Variants in ABRA observed in about 807,000 individuals in gnomAD.
ABRA encodes the protein actin binding Rho activating protein.
Under a neutral mutation model 33.4 loss-of-function variants are expected in ABRA, and 25 were observed. That is an observed-to-expected ratio of 0.75 (90% confidence interval 0.55 to 1.04). The LOEUF is 1.04. Among genes scored for constraint, ABRA ranks in the 50% least tolerant of loss-of-function variants. The pLI is 0.00. For missense variants in ABRA, 501 were observed against 491.7 expected, an observed-to-expected ratio of 1.02 and a Z score of -0.18; for synonymous variants, 193 against 176.8, an observed-to-expected ratio of 1.09 and a Z score of -0.73.
intron 1 of ABRA, among the ~76,000 whole-genome samples, chr8:106,767,002 G>A (rs987407932): frequency 6.6e-6 from 1 of 152,142 alleles, no homozygotes; most frequent in Non-Finnish European, 1.5e-5. Flanking sequence ...CCCAAGATGG[G>A]TCCTGTATCC....
intron 1 of ABRA, among the ~76,000 whole-genome samples, chr8:106,764,982 G>A (rs1319071909): frequency 6.6e-6 from 1 of 151,962 alleles, no homozygotes; most frequent in Non-Finnish European, 1.5e-5. Flanking sequence ...TTGGTCGTAA[G>A]TACTATAAAT....
intron 1 of ABRA, among the ~76,000 whole-genome samples, chr8:106,764,963 AT>A (rs35330136): frequency 6.7e-5 from 10 of 150,252 alleles, no homozygotes; most frequent in East Asian, 1.9e-4. Flanking sequence ...TATACACTGA[AT>A]TTTTTTTTTG....
chr8:106,764,630 C>T (rs940845469), intron 1 of ABRA, among the ~76,000 whole-genome samples: 7 of 152,090 alleles, frequency 4.6e-5, no homozygotes, highest in Non-Finnish European at 8.8e-5. Context: ...GCACTCCAGG[C>T]TGGGTGACAG....
Position 106,760,057 on chromosome 8 carries a change from A to G in ABRA, c.*980T>C, listed in dbSNP as rs1403234155. ...TTCTATGGGATTTTTCTAATACTGA[A>G]CATTCCACTTCATAGATTTTCTGTA... On this transcript the variant is annotated 3_prime_UTR_variant, in exon 2 of 2. Transcript: ENST00000311955. 6.6e-6 allele frequency: 1 copy of G among 152,208 alleles called. No individual in the cohort carries two copies. Among genetic ancestry groups the G allele is most frequent in the Non-Finnish European group, 1.5e-5 (1 of 68,038 alleles). 9.4% of individuals were successfully genotyped at this position (152,208 alleles called of 1,614,324 possible).
At chr8:106,768,094 C>CA (rs397957500) in intron 1 of ABRA, among the ~76,000 whole-genome samples, 21,015 of 106,384 alleles carry the variant, frequency 0.2, 1,804 homozygotes, top group African/African-American at 0.28. Flanking sequence ...GACTTCATCT[C>CA]AAAAAAAAAA....
chr8:106,768,007 A>G (rs1190428929), intron 1 of ABRA, among the ~76,000 whole-genome samples: 2 of 151,858 alleles, frequency 1.3e-5, no homozygotes, highest in African/African-American at 4.8e-5. Flanking sequence ...AGGCAGGAGA[A>G]TCACTTGAAC....
At position 106,760,179 on chromosome 8, in the gene ABRA, T is replaced by C. The variant is rs1447087829; in HGVS notation, c.*858A>G. On this transcript the variant is annotated 3_prime_UTR_variant, in exon 2 of 2. Coordinates refer to ENST00000311955, the MANE Select transcript of ABRA (RefSeq NM_139166.5). ...GACATGTAATGAAACAATAAACTTC[T>C]CCAAGAAGTCCTACAAAGGCAAGTA... The C allele has an allele frequency of 2.0e-5, 3 of 152,190 alleles. No individual in the cohort carries two copies. Among genetic ancestry groups the C allele is most frequent in the African/African-American group, 7.2e-5 (3 of 41,446 alleles). The allele number at this position is 152,190 out of a possible 1,614,324, so 9.4% of individuals were successfully genotyped here.
chr8:106,764,672 CAAAA>C (rs946618205), intron 1 of ABRA, among the ~76,000 whole-genome samples: 5 of 150,804 alleles, frequency 3.3e-5, no homozygotes, highest in African/African-American at 7.4e-5. Flanking sequence ...AACAAACAAA[CAAAA>C]AAGACTGTAA....
intron 1 of ABRA, among the ~76,000 whole-genome samples, chr8:106,762,753 C>G (rs1242586123): frequency 1.3e-5 from 2 of 152,098 alleles, no homozygotes; most frequent in African/African-American, 4.8e-5. Context: ...CAGCAAGCCA[C>G]CATGGCACAC....
chr8:106,759,990 G>A lies in ABRA; in HGVS notation c.*1047C>T, dbSNP rs576272937. Reference sequence around the variant, plus strand: ...AAAGTTTTCTTTGTTACAGTATGAGGAACATTAAACTGTCTCAAATCTGTT... The same window carrying A: ...AAAGTTTTCTTTGTTACAGTATGAGAAACATTAAACTGTCTCAAATCTGTT... On this transcript the variant is annotated 3_prime_UTR_variant, in exon 2 of 2. Transcript: ENST00000311955. 6.6e-6 allele frequency: 1 copy of A among 152,236 alleles called. No individual in the cohort carries two copies. The highest frequency in any genetic ancestry group is 2.1e-4 in the South Asian group (1 of 4,820). The allele number at this position is 152,236 out of a possible 1,614,324, so 9.4% of individuals were successfully genotyped here.
At position 106,770,133 on chromosome 8, in the gene ABRA, T is replaced by A. The variant is rs1330136092; in HGVS notation, c.58A>T (p.Ile20Leu). ...EGPAKSALRK[I>L]RTATLVISLA... ...CTGATGACCAGGGTGGCTGTGCGTATCTTCCGGAGGGCGCTCTTGGCTGGG... is the reference window on the plus strand; with the variant it reads ...CTGATGACCAGGGTGGCTGTGCGTAACTTCCGGAGGGCGCTCTTGGCTGGG... Residue 20 changes from isoleucine to leucine, a missense_variant, in exon 1 of 2, where the codon ATA becomes TTA. Ile to Leu is a conservative substitution (Grantham distance 5, BLOSUM62 2). Transcript: ENST00000311955. 1 of 1,613,746 alleles carries A rather than the reference T, an allele frequency of 6.2e-7. No individual in the cohort carries two copies. The highest frequency in any genetic ancestry group is 1.7e-5 in the Admixed American group (1 of 60,014).
chr8:106,766,425 A>G (rs1245403670), intron 1 of ABRA, among the ~76,000 whole-genome samples: 2 of 152,050 alleles, frequency 1.3e-5, no homozygotes, highest in African/African-American at 2.4e-5. Flanking sequence ...AGATACAGGG[A>G]GAGAAGGGTG....
Position 106,760,144 on chromosome 8 carries a change from G to A in ABRA, c.*893C>T, listed in dbSNP as rs1396116272. ...GATGTTAATGCAAGCAGCTTGACTCGTTATATGCTGACATGTAATGAAACA... is the reference window on the plus strand; with the variant it reads ...GATGTTAATGCAAGCAGCTTGACTCATTATATGCTGACATGTAATGAAACA... On this transcript the variant is annotated 3_prime_UTR_variant, in exon 2 of 2. Coordinates refer to ENST00000311955, the MANE Select transcript of ABRA (RefSeq NM_139166.5). 1.3e-5 allele frequency: 2 copies of A among 152,026 alleles called. No homozygotes were observed. The highest frequency in any genetic ancestry group is 1.3e-4 in the Admixed American group (2 of 15,254). 9.4% of individuals were successfully genotyped at this position (152,026 alleles called of 1,614,324 possible).
rs1314835499 is a variant in ABRA, at chr8:106,760,481, T to A, written c.*556A>T. 1 of 152,212 alleles carries A rather than the reference T, an allele frequency of 6.6e-6. No homozygotes were observed. The highest frequency in any genetic ancestry group is 2.4e-5 in the African/African-American group (1 of 41,452). The allele number at this position is 152,212 out of a possible 1,614,324, so 9.4% of individuals were successfully genotyped here. A position where few individuals can be genotyped will look rare whatever the true frequency, so the allele number is the denominator to read the frequency against. On this transcript the variant is annotated 3_prime_UTR_variant, in exon 2 of 2. Coordinates refer to ENST00000311955, the MANE Select transcript of ABRA (RefSeq NM_139166.5). Reference sequence around the variant, plus strand: ...GCTTCTGAAAAAATTTTAAGTTTAGTTTTACCAAACTTAATGGTATTTTCT... The same window carrying A: ...GCTTCTGAAAAAATTTTAAGTTTAGATTTACCAAACTTAATGGTATTTTCT...
chr8:106,762,355 C>A (rs1836150688), intron 1 of ABRA, among the ~76,000 whole-genome samples: 1 of 152,180 alleles, frequency 6.6e-6, no homozygotes, highest in Non-Finnish European at 1.5e-5. Flanking sequence ...TGCCTTAGAC[C>A]AAGGTCAATG....
chr8:106,761,799 A>G (rs1020406216), intron 1 of ABRA, among the ~76,000 whole-genome samples: 1 of 152,184 alleles, frequency 6.6e-6, no homozygotes, highest in Non-Finnish European at 1.5e-5. Flanking sequence ...GCTTCCCCAC[A>G]CAAAGTTAAT....
At chr8:106,765,436 G>A (rs1006378827) in intron 1 of ABRA, among the ~76,000 whole-genome samples, 67 of 152,272 alleles carry the variant, frequency 4.4e-4, no homozygotes, top group African/African-American at 1.5e-3. Context: ...TTCCTGTAGA[G>A]GGAGTATTTC....
rs1415688889 is a variant in ABRA at position 106,760,357 on chromosome 8, C to T, written c.*680G>A. The T allele has an allele frequency of 6.6e-6, 1 of 152,152 alleles. No homozygotes were observed. Among genetic ancestry groups the T allele is most frequent in the Non-Finnish European group, 1.5e-5 (1 of 68,024 alleles). The allele number at this position is 152,152 out of a possible 1,614,324, so 9.4% of individuals were successfully genotyped here. A position where few individuals can be genotyped will look rare whatever the true frequency, so the allele number is the denominator to read the frequency against. ...GGAAACCTGTTAGAATCCAAGCCCACAGAGGAACTTCAACAATTTCAGCAA... is the reference window on the plus strand; with the variant it reads ...GGAAACCTGTTAGAATCCAAGCCCATAGAGGAACTTCAACAATTTCAGCAA... On this transcript the variant is annotated 3_prime_UTR_variant, in exon 2 of 2. Coordinates refer to ENST00000311955, the MANE Select transcript of ABRA (RefSeq NM_139166.5).
chr8:106,766,119 G>A (rs1207913971), intron 1 of ABRA, among the ~76,000 whole-genome samples: 1 of 152,190 alleles, frequency 6.6e-6, no homozygotes, highest in African/African-American at 2.4e-5. Flanking sequence ...GGACAGGATG[G>A]ATAAGTGATT....
Sources: allele counts gnomAD v4.1 joint callset (sites outside exome capture counted in the v4.1 genomes callset), GRCh38; gene constraint gnomAD v4.1.1; transcripts MANE v1.5; gene names NCBI Gene and HGNC (gene_info 2026-07-23, HGNC 2026-07-21).